The following NRXN3 variants were observed in gnomAD, a reference collection of about 807,000 sequenced individuals.
NRXN3 encodes neurexin III.
NRXN3 carries 32 observed loss-of-function variants against 137.6 expected under a neutral mutation model. That is an observed-to-expected ratio of 0.23 (90% CI 0.18 to 0.31). The LOEUF (loss-of-function observed/expected upper bound fraction) is 0.31, where lower values mean the gene tolerates loss of function less well. Among genes scored for constraint, NRXN3 ranks in the 10% least tolerant of loss-of-function variants. The pLI is 1.00. For missense variants in NRXN3, 1,574 were observed against 2,062.5 expected (o/e 0.76, Z 4.59); for synonymous variants, 798 against 784.5 (o/e 1.02, Z -0.29).
At chr14:79,002,022 A>T (rs990628138) in intron 15 of NRXN3, among the ~76,000 whole-genome samples, 2 of 152,038 alleles carry the variant, frequency 1.3e-5, no homozygotes, top group African/African-American at 4.8e-5. Flanking sequence ...TTGTGTATTC[A>T]CCCTGTTTCC....
chr14:79,159,162 G>A (rs547567275), intron 15 of NRXN3, among the ~76,000 whole-genome samples: 1 of 151,762 alleles, frequency 6.6e-6, no homozygotes, highest in South Asian at 2.1e-4. Context: ...CAAAACTGTT[G>A]CCATGACCTT....
intron 15 of NRXN3, among the ~76,000 whole-genome samples, chr14:79,254,181 C>A (rs937790515): frequency 1.3e-4 from 20 of 152,144 alleles, no homozygotes; most frequent in African/African-American, 4.6e-4. Context: ...CAAAAGTCCC[C>A]TCTGCCTTTC....
chr14:78,518,549 A>T (rs1027574091), intron 4 of NRXN3, among the ~76,000 whole-genome samples: 1 of 152,024 alleles, frequency 6.6e-6, no homozygotes, highest in African/African-American at 2.4e-5. Context: ...AACTGTCAAA[A>T]CCTCTGGGAT....
intron 11 of NRXN3, among the ~76,000 whole-genome samples, chr14:78,963,932 A>G (rs1043616295): frequency 5.4e-5 from 8 of 148,998 alleles, no homozygotes; most frequent in African/African-American, 1.8e-4. Context: ...TGCCTGGCTA[A>G]TATTTTTTTT....
At chr14:79,507,111 C>T (rs1469091523) in intron 16 of NRXN3, among the ~76,000 whole-genome samples, 1 of 152,166 alleles carries the variant, frequency 6.6e-6, no homozygotes, top group African/African-American at 2.4e-5. Flanking sequence ...TATTTTCTGG[C>T]TCTGTGAACA....
chr14:79,209,891 G>A (rs546812801), intron 15 of NRXN3, among the ~76,000 whole-genome samples: 21 of 152,276 alleles, frequency 1.4e-4, no homozygotes, highest in South Asian at 4.1e-4. Flanking sequence ...GACAAAATAT[G>A]CATATGGGGC....
chr14:79,429,170 T>C (rs1196607835), intron 15 of NRXN3, among the ~76,000 whole-genome samples: 1 of 152,166 alleles, frequency 6.6e-6, no homozygotes, highest in Non-Finnish European at 1.5e-5. Flanking sequence ...CAAATATAGA[T>C]GAGCTCTTCT....
chr14:78,945,638 T>C (rs1479379339), intron 10 of NRXN3, among the ~76,000 whole-genome samples: 1 of 152,144 alleles, frequency 6.6e-6, no homozygotes, highest in African/African-American at 2.4e-5. Flanking sequence ...TCTGTGTCAG[T>C]TTTCTCAAGG....
intron 2 of NRXN3, among the ~76,000 whole-genome samples, chr14:78,254,979 A>G (rs74898890): frequency 0.013 from 1,964 of 152,042 alleles, 18 homozygotes; most frequent in Non-Finnish European, 0.022. Flanking sequence ...TGGGTATCTC[A>G]TGTTTTTGGC....
At chr14:79,125,792 TG>T (rs2056312933) in intron 15 of NRXN3, among the ~76,000 whole-genome samples, 1 of 152,138 alleles carries the variant, frequency 6.6e-6, no homozygotes, top group Non-Finnish European at 1.5e-5. Flanking sequence ...CCTCTTTTTT[TG>T]CTCGTCTTTT....
At chr14:79,151,559 A>G (rs2059802718) in intron 15 of NRXN3, among the ~76,000 whole-genome samples, 1 of 152,032 alleles carries the variant, frequency 6.6e-6, no homozygotes, top group African/African-American at 2.4e-5. Flanking sequence ...GCTGTCCTGG[A>G]AACTGGATTC....
At position 78,913,757 on chromosome 14, in the gene NRXN3, T is replaced by C. The variant is rs942642960; in HGVS notation, c.2276-43485T>C. ...AGAAATAAAGCCTACTTGAAGTCCA[T>C]AAAGAGAAAACAGATGAAATCTGGA... On this transcript the variant is annotated intron_variant, in intron 10 of 20. Coordinates refer to ENST00000335750, the MANE Select transcript of NRXN3 (RefSeq NM_001330195.2). Among the ~76,000 whole-genome samples the C allele has an allele frequency of 7.2e-5, 11 of 152,264 alleles. No individual in the cohort carries two copies. In the East Asian group the frequency reaches 1.7e-3, roughly 24 times the overall value.
At chr14:78,230,757 T>C (rs568815202) in intron 1 of NRXN3, among the ~76,000 whole-genome samples, 1 of 152,034 alleles carries the variant, frequency 6.6e-6, no homozygotes, top group East Asian at 1.9e-4. Flanking sequence ...GAGTAGTAGA[T>C]GAGACTGGAA....
Position 78,315,746 on chromosome 14 carries a change from A to G in NRXN3, c.757+17886A>G, listed in dbSNP as rs576575033. 2.6e-5 allele frequency among the ~76,000 whole-genome samples: 4 copies of G among 152,300 alleles called. No homozygotes were observed. The East Asian group carries it at 7.7e-4, about 29-fold the overall frequency. ...TTTGTTTTATTGTGATCACTGGGTA[A>G]AAATATCTCAGCATTTTTTTTCCTC... On this transcript the variant is annotated intron_variant, in intron 4 of 20. Coordinates refer to ENST00000335750, the MANE Select transcript of NRXN3 (RefSeq NM_001330195.2).
intron 4 of NRXN3, among the ~76,000 whole-genome samples, chr14:78,618,273 T>G (rs981186672): frequency 6.6e-6 from 1 of 151,378 alleles, no homozygotes; most frequent in African/African-American, 2.4e-5. Flanking sequence ...TTTTTTTTTT[T>G]GATGTGGCAA....
At chr14:79,767,680 G>A (rs996969456) in intron 19 of NRXN3, among the ~76,000 whole-genome samples, 11 of 152,212 alleles carry the variant, frequency 7.2e-5, no homozygotes, top group South Asian at 4.2e-4. Flanking sequence ...CTATTAAATG[G>A]ATAACACTGA....
At chr14:78,386,974 G>T (rs933594103) in intron 4 of NRXN3, among the ~76,000 whole-genome samples, 2 of 151,966 alleles carry the variant, frequency 1.3e-5, no homozygotes, top group East Asian at 1.9e-4. Context: ...TAGAGACGGG[G>T]TTTCACCATG....
chr14:78,627,223 A>G (rs1189129979), intron 4 of NRXN3, among the ~76,000 whole-genome samples: 1 of 143,142 alleles, frequency 7.0e-6, no homozygotes, highest in Non-Finnish European at 1.5e-5. Context: ...TAATTGTTTC[A>G]GTGCCTTTGT....
At chr14:78,956,717 C>G (rs987971617) in intron 10 of NRXN3, among the ~76,000 whole-genome samples, 1 of 152,082 alleles carries the variant, frequency 6.6e-6, no homozygotes, top group Non-Finnish European at 1.5e-5. Flanking sequence ...TTTCTATGGT[C>G]GTGAATCCTA....
Sources: allele counts gnomAD v4.1 joint callset (sites outside exome capture counted in the v4.1 genomes callset), GRCh38; gene constraint gnomAD v4.1.1; transcripts MANE v1.5; gene names NCBI Gene and HGNC (gene_info 2026-07-23, HGNC 2026-07-21).